The following ROR2 variants were observed in gnomAD, a reference collection of about 807,000 sequenced individuals.
The protein encoded by ROR2 is tyrosine-protein kinase transmembrane receptor ROR2.
In ROR2, 33 loss-of-function variants were observed where a neutral mutation model predicts 74.9. That is an observed-to-expected ratio of 0.44 (90% CI 0.33 to 0.59). The LOEUF (loss-of-function observed/expected upper bound fraction) is 0.59. Ranked by LOEUF, ROR2 falls within the 20% of genes least tolerant of loss-of-function variation. ROR2 has a pLI of 0.02. For missense variants in ROR2, 1,216 were observed against 1,313.8 expected, an observed-to-expected ratio of 0.93 and a Z score of 1.15; for synonymous variants, 586 against 558.7, an observed-to-expected ratio of 1.05 and a Z score of -0.69.
chr9:91,754,256 A>C (rs1026071423), intron 4 of ROR2, among the ~76,000 whole-genome samples: 1 of 150,504 alleles, frequency 6.6e-6, no homozygotes, highest in African/African-American at 2.4e-5. Context: ...TATTTGTATA[A>C]TTATAGCTCT....
At chr9:91,930,121 C>T (rs947819217) in intron 1 of ROR2, among the ~76,000 whole-genome samples, 2 of 152,156 alleles carry the variant, frequency 1.3e-5, no homozygotes, top group African/African-American at 4.8e-5. Context: ...TTTAAAGCTC[C>T]CCTGAAAAGC....
intron 4 of ROR2, among the ~76,000 whole-genome samples, chr9:91,740,087 G>C (rs896405482): frequency 6.6e-6 from 1 of 152,208 alleles, no homozygotes; most frequent in Admixed American, 6.5e-5. Context: ...AGGAAGAGAA[G>C]GTTGTTCCCC....
intron 1 of ROR2, among the ~76,000 whole-genome samples, chr9:91,861,626 T>G (rs1829470144): frequency 6.6e-6 from 1 of 152,202 alleles, no homozygotes; most frequent in South Asian, 2.1e-4. Flanking sequence ...TCACAGGCCA[T>G]GTAAGCACTA....
At chr9:91,924,811 C>A (rs562398419) in intron 1 of ROR2, among the ~76,000 whole-genome samples, 1 of 151,944 alleles carries the variant, frequency 6.6e-6, no homozygotes, top group Admixed American at 6.6e-5. Context: ...ATTCAACAGA[C>A]GCGGGGCAGG....
chr9:91,844,797 A>G (rs912484582), intron 1 of ROR2, among the ~76,000 whole-genome samples: 1 of 152,118 alleles, frequency 6.6e-6, no homozygotes, highest in Non-Finnish European at 1.5e-5. Context: ...GTGTTTAGTA[A>G]TGATTTTCTA....
At chr9:91,757,179 G>T in intron 3 of ROR2, 93 bp downstream of exon 3, 1 of 1,507,812 alleles carries the variant, frequency 6.6e-7, no homozygotes, top group Non-Finnish European at 9.2e-7. Flanking sequence ...GCTGACTGGT[G>T]TGTGTTCAGT....
intron 1 of ROR2, among the ~76,000 whole-genome samples, chr9:91,829,684 A>G (rs1341910317): frequency 6.6e-6 from 1 of 152,194 alleles, no homozygotes; most frequent in Admixed American, 6.5e-5. Context: ...GAGCAATGAA[A>G]TGAAGGCACA....
chr9:91,790,578 AAAG>A (rs1209992373), intron 1 of ROR2, among the ~76,000 whole-genome samples: 1 of 152,180 alleles, frequency 6.6e-6, no homozygotes, highest in Non-Finnish European at 1.5e-5. Context: ...TAATGACAAT[AAAG>A]GACTATGTTG....
chr9:91,841,756 G>A (rs1462265104), intron 1 of ROR2, among the ~76,000 whole-genome samples: 1 of 152,160 alleles, frequency 6.6e-6, no homozygotes, highest in Non-Finnish European at 1.5e-5. Context: ...GCCCTCGGAT[G>A]CCAGCCTGGT....
chr9:91,900,655 G>T (rs904804364), intron 1 of ROR2, among the ~76,000 whole-genome samples: 1 of 152,192 alleles, frequency 6.6e-6, no homozygotes, highest in African/African-American at 2.4e-5. Context: ...GGGCACGTCG[G>T]TTCCATGGAC....
intron 1 of ROR2, among the ~76,000 whole-genome samples, chr9:91,916,303 C>T (rs888817303): frequency 6.6e-6 from 1 of 152,142 alleles, no homozygotes; most frequent in African/African-American, 2.4e-5. Flanking sequence ...ACGTGGATTC[C>T]AAATCCTGTT....
Position 91,949,950 on chromosome 9 carries a change from G to T in ROR2, c.14C>A (p.Ser5Ter). The change falls in exon 1 of 9, where the codon TCG (serine) becomes TAG (stop). Residue 5 changes from serine to a stop codon, truncating the protein, a stop_gained. Coordinates refer to ENST00000375708, the MANE Select transcript of ROR2 (RefSeq NM_004560.4). LOFTEE classifies it high-confidence loss of function. MARG[S>*]ALPRRPLLCI... is the part of the protein sequence containing the mutation. ...CAGCAGCGGCCGCCGCGGGAGCGCCGAGCCCCGGGCCATGCCGCAGGCAGT... is the reference window on the plus strand; with the variant it reads ...CAGCAGCGGCCGCCGCGGGAGCGCCTAGCCCCGGGCCATGCCGCAGGCAGT... The T allele has an allele frequency of 6.6e-7, 1 of 1,506,592 alleles. No individual in the cohort carries two copies. Among genetic ancestry groups the T allele is most frequent in the South Asian group, 1.2e-5 (1 of 80,566 alleles). The allele number at this position is 1,506,592 out of a possible 1,614,324, so 93.3% of individuals were successfully genotyped here.
At chr9:91,737,966 T>C (rs1383227684) in intron 4 of ROR2, among the ~76,000 whole-genome samples, 2 of 152,218 alleles carry the variant, frequency 1.3e-5, no homozygotes, top group South Asian at 2.1e-4. Context: ...AGACTGGTTA[T>C]AGAGAAATGT....
At chr9:91,922,109 C>A (rs201246049) in intron 1 of ROR2, among the ~76,000 whole-genome samples, 4,446 of 143,920 alleles carry the variant, frequency 0.031, 101 homozygotes, top group South Asian at 0.064. Context: ...GCAACAACAA[C>A]AACAACAACA....
intron 1 of ROR2, among the ~76,000 whole-genome samples, chr9:91,941,337 GT>G (rs1831860463): frequency 6.6e-6 from 1 of 152,184 alleles, no homozygotes; most frequent in South Asian, 2.1e-4. Context: ...TTACAGAGAA[GT>G]TACAAGAATG....
chr9:91,737,643 T>C, intron 4 of ROR2, 125 bp from the exon 5 acceptor site: 2 of 1,278,354 alleles, frequency 1.6e-6, no homozygotes, highest in South Asian at 2.5e-5. Context: ...ATAAGTAAAT[T>C]TAAATAAGTA....
chr9:91,817,001 A>G (rs1827961240), intron 1 of ROR2, among the ~76,000 whole-genome samples: 1 of 152,126 alleles, frequency 6.6e-6, no homozygotes, highest in East Asian at 1.9e-4. Flanking sequence ...GTACTTCTAA[A>G]TCACTTTGAA....
chr9:91,949,157 G>A (rs1268477347), intron 1 of ROR2, among the ~76,000 whole-genome samples: 3 of 151,560 alleles, frequency 2.0e-5, no homozygotes, highest in African/African-American at 4.8e-5. Flanking sequence ...CGCCCCAGCC[G>A]CTCAGGGACC....
chr9:91,851,962 C>T (rs1248209199), intron 1 of ROR2, among the ~76,000 whole-genome samples: 1 of 139,646 alleles, frequency 7.2e-6, no homozygotes, highest in Admixed American at 7.5e-5. Flanking sequence ...GGTGACGGTG[C>T]AAGACTCTGT....
Sources: allele counts gnomAD v4.1 joint callset (sites outside exome capture counted in the v4.1 genomes callset), GRCh38; gene constraint gnomAD v4.1.1; transcripts MANE v1.5; gene names NCBI Gene and HGNC (gene_info 2026-07-23, HGNC 2026-07-21).